The following TMTC4 variants were observed in gnomAD, a reference collection of about 807,000 sequenced individuals.
TMTC4 encodes transmembrane O-mannosyltransferase targeting cadherins 4.
A neutral mutation model predicts 86.0 loss-of-function variants in TMTC4; 65 were observed. The ratio of observed to expected loss-of-function variants is 0.76; its 90% CI spans 0.62 to 0.93. The LOEUF (loss-of-function observed/expected upper bound fraction) is 0.93, where lower values mean the gene tolerates loss of function less well. Among genes scored for constraint, TMTC4 ranks in the 40% least tolerant of loss-of-function variants. The probability of loss-of-function intolerance (pLI) is 0.00; values close to 1 mark genes in which losing one functional copy is unlikely to be tolerated. For synonymous variants in TMTC4, 379 were observed against 382.5 expected (o/e 0.99, Z 0.11); for missense variants, 866 against 948.1 (o/e 0.91, Z 1.14).
At chr13:100,615,129 TTTA>T (rs555839141) in intron 15 of TMTC4, among the ~76,000 whole-genome samples, 1 of 151,930 alleles carries the variant, frequency 6.6e-6, no homozygotes, top group Non-Finnish European at 1.5e-5. Flanking sequence ...AATTTAAACT[TTTA>T]TTATTATTAT....
chr13:100,629,162 G>A (rs1346153464), intron 12 of TMTC4, among the ~76,000 whole-genome samples: 1 of 152,072 alleles, frequency 6.6e-6, no homozygotes, highest in Non-Finnish European at 1.5e-5. Context: ...AAAAGAAAAA[G>A]AAAAAGTGAA....
intron 12 of TMTC4, among the ~76,000 whole-genome samples, chr13:100,627,454 T>C (rs1880730497): frequency 6.6e-6 from 1 of 152,150 alleles, no homozygotes; most frequent in African/African-American, 2.4e-5. Flanking sequence ...GGGAAGAGAC[T>C]GCTCCCTGCC....
chr13:100,634,742 AG>A, intron 12 of TMTC4, 62 bp downstream of exon 12: 1 of 1,549,978 alleles, frequency 6.5e-7, no homozygotes, highest in Middle Eastern at 1.7e-4. Flanking sequence ...GTTCTTATTC[AG>A]CCCAAGAACT....
In TMTC4 at chr13:100,614,448, C is replaced by T; in HGVS notation, c.1837-18G>A. ...TCTGCATACTGAAAATAAAACACAC[C>T]AAAAAATCAGTATTCCAAGTTTCCT... On this transcript the variant is annotated intron_variant, in intron 15 of 18. Transcript: ENST00000342624. 6.4e-7 allele frequency: 1 copy of T among 1,552,072 alleles called. No homozygotes were observed. Among genetic ancestry groups the T allele is most frequent in the Non-Finnish European group, 8.8e-7 (1 of 1,130,888 alleles).
intron 15 of TMTC4, chr13:100,624,358 A>AAAAG (rs1331878136): frequency 6.6e-6 from 1 of 150,818 alleles, no homozygotes; most frequent in Admixed American, 6.6e-5. Context: ...AAAAAATAAA[A>AAAAG]AAAAAATAAA....
At chr13:100,673,702 T>C (rs1265181840) in intron 1 of TMTC4, among the ~76,000 whole-genome samples, 1 of 152,344 alleles carries the variant, frequency 6.6e-6, no homozygotes, top group Admixed American at 6.5e-5. Context: ...TGGCTGCCTA[T>C]AGCAAGAATG....
At chr13:100,652,599 C>G (rs1884600520) in intron 6 of TMTC4, among the ~76,000 whole-genome samples, 1 of 152,044 alleles carries the variant, frequency 6.6e-6, no homozygotes, top group East Asian at 1.9e-4. Context: ...GGATCAAGAG[C>G]TCTGTTTTGT....
chr13:100,635,503 C>A (rs1269998983), intron 10 of TMTC4, among the ~76,000 whole-genome samples: 1 of 152,160 alleles, frequency 6.6e-6, no homozygotes, highest in Non-Finnish European at 1.5e-5. Flanking sequence ...ACCTACTCCT[C>A]ACTATGCCTC....
At chr13:100,668,545 G>A (rs1489249657) in intron 3 of TMTC4, 34 bp downstream of exon 3, 2 of 1,597,896 alleles carry the variant, frequency 1.3e-6, no homozygotes, top group South Asian at 2.2e-5. Context: ...CAGTTGGGCA[G>A]TTAAGTTTAC....
intron 5 of TMTC4, among the ~76,000 whole-genome samples, chr13:100,660,784 G>T (rs1885683647): frequency 6.6e-6 from 1 of 151,898 alleles, no homozygotes; most frequent in Non-Finnish European, 1.5e-5. Context: ...CTCCTGAGTA[G>T]CTGGGACTAC....
intron 4 of TMTC4, among the ~76,000 whole-genome samples, chr13:100,663,906 T>C (rs972123755): frequency 1.3e-5 from 2 of 152,168 alleles, no homozygotes; most frequent in African/African-American, 4.8e-5. Context: ...TTTATTTCTG[T>C]AGTGAAAAAA....
chr13:100,612,442 TGA>T lies in TMTC4; in HGVS notation c.2018_2019del (p.Leu673HisfsTer18), dbSNP rs757858517. Reference protein sequence around the residue: ...ALELIPNDHSLMFSLANVLGK... With the variant: ...ALELIPNDHSXMFSLANVLGK... Reference sequence around the variant, plus strand: ...CCCAGCACGTTTGCCAACGAGAACATGAGAGAGTGATCATTAGGTATTAATTC... The same window carrying T: ...CCCAGCACGTTTGCCAACGAGAACATGAGAGTGATCATTAGGTATTAATTC... On this transcript the variant is annotated frameshift_variant, in exon 17 of 19. Coordinates refer to ENST00000342624, the MANE Select transcript of TMTC4 (RefSeq NM_032813.5). LOFTEE classifies it high-confidence loss of function. 7 of 1,610,954 alleles carry T rather than the reference TGA, an allele frequency of 4.3e-6. No individual in the cohort carries two copies. The African/African-American group carries it at 8.0e-5, about 18-fold the overall frequency.
chr13:100,624,021 T>C (rs1880013664), intron 15 of TMTC4: 1 of 282,692 alleles, frequency 3.5e-6, no homozygotes, highest in Non-Finnish European at 7.1e-6. Flanking sequence ...CACCTACTTG[T>C]TATCAATAGA....
rs1345819714 is a variant in TMTC4 at position 100,644,883 on chromosome 13, C to T, written c.641-2572G>A. Among the ~76,000 whole-genome samples, 5 of 151,736 alleles carry T rather than the reference C, an allele frequency of 3.3e-5. No individual in the cohort carries two copies. In the East Asian group the frequency reaches 5.8e-4, roughly 18 times the overall value. ...AGGCTAGAGTGCAATGGTGCGATCT[C>T]GGCTCACTGCAACCTCCGCCTCCCG... On this transcript the variant is annotated intron_variant, in intron 6 of 18. Coordinates refer to ENST00000342624, the MANE Select transcript of TMTC4 (RefSeq NM_032813.5).
chr13:100,612,827 C>G (rs575864529), intron 16 of TMTC4, among the ~76,000 whole-genome samples: 67 of 152,284 alleles, frequency 4.4e-4, no homozygotes, highest in African/African-American at 1.6e-3. Flanking sequence ...TATACCCAAA[C>G]AAATCTGCAA....
intron 6 of TMTC4, among the ~76,000 whole-genome samples, chr13:100,650,700 G>T (rs985656615): frequency 7.2e-5 from 11 of 152,216 alleles, no homozygotes; most frequent in Admixed American, 6.5e-4. Context: ...GTCCATTTGG[G>T]GGAAAATCAA....
intron 15 of TMTC4, among the ~76,000 whole-genome samples, chr13:100,621,999 C>G (rs1879575772): frequency 6.6e-6 from 1 of 152,218 alleles, no homozygotes; most frequent in African/African-American, 2.4e-5. Flanking sequence ...CCCCTTCCCC[C>G]TGGGAACAAA....
intron 3 of TMTC4, among the ~76,000 whole-genome samples, chr13:100,667,269 C>A (rs1886499100): frequency 6.6e-6 from 1 of 152,098 alleles, no homozygotes; most frequent in African/African-American, 2.4e-5. Context: ...CCCATCCCTA[C>A]TAAAAAATAC....
chr13:100,638,236 C>A (rs1036570223), intron 7 of TMTC4: 18 of 481,938 alleles, frequency 3.7e-5, no homozygotes, highest in African/African-American at 3.3e-4. Flanking sequence ...TTTAGTAAGC[C>A]CCTGATAGTA....
Sources: gnomAD v4.1 joint callset for allele counts (sites outside exome capture counted in the v4.1 genomes callset) on GRCh38, gnomAD v4.1.1 for gene constraint, MANE v1.5 for transcripts, NCBI Gene and HGNC (gene_info 2026-07-23, HGNC 2026-07-21) for gene names.